Variants in TNS1 observed in about 807,000 individuals in gnomAD.
TNS1 encodes the protein tensin 1.
Under a neutral mutation model 168.6 loss-of-function variants are expected in TNS1, and 62 were observed. The ratio of observed to expected loss-of-function variants is 0.37; its 90% CI spans 0.30 to 0.45. The LOEUF (loss-of-function observed/expected upper bound fraction) is 0.45, where lower values mean the gene tolerates loss of function less well. TNS1 is among the 20% of genes least tolerant of loss of function. The pLI is 1.00. For missense variants in TNS1, 2,240 were observed against 2,339.4 expected (o/e 0.96, Z 0.88); for synonymous variants, 934 against 933.2 (o/e 1.00, Z -0.02).
chr2:218,019,826 C>G (rs1481076237), intron 1 of TNS1, among the ~76,000 whole-genome samples: 1 of 152,108 alleles, frequency 6.6e-6, no homozygotes, highest in African/African-American at 2.4e-5. Context: ...GATACCTGCC[C>G]TCCCACCCTC....
chr2:217,907,397 C>A, intron 4 of TNS1, 146 bp from the exon 5 acceptor site: 1 of 634,774 alleles, frequency 1.6e-6, no homozygotes, highest in South Asian at 1.8e-5. Flanking sequence ...CATAATCTGG[C>A]TGGCCCCAAG....
At chr2:218,008,031 G>T (rs1425575685) in intron 1 of TNS1, among the ~76,000 whole-genome samples, 1 of 152,140 alleles carries the variant, frequency 6.6e-6, no homozygotes, top group Admixed American at 6.5e-5. Flanking sequence ...AAATGTGGGT[G>T]CTCTCTGAGA....
chr2:218,012,388 A>G (rs997515656), upstream of TNS1, among the ~76,000 whole-genome samples: 1 of 152,198 alleles, frequency 6.6e-6, no homozygotes, highest in Non-Finnish European at 1.5e-5. Context: ...CTCAACAAAC[A>G]GAAGGAAAGA....
intron 18 of TNS1, among the ~76,000 whole-genome samples, chr2:217,871,746 G>A (rs745828149): frequency 1.6e-4 from 24 of 152,216 alleles, no homozygotes; most frequent in Non-Finnish European, 2.2e-4. Context: ...TCTCCCATCC[G>A]GCCTGGGCCC....
At chr2:218,010,007 A>C in intron 1 of TNS1, 1 of 352,166 alleles carries the variant, frequency 2.8e-6, no homozygotes. Context: ...AGTAAGTCAG[A>C]TCGAATGCCC....
chr2:217,843,400 A>T (rs575685237), intron 19 of TNS1, among the ~76,000 whole-genome samples: 1 of 151,468 alleles, frequency 6.6e-6, no homozygotes, highest in East Asian at 1.9e-4. Context: ...ACATACAAAC[A>T]TTCTCATGAC....
upstream of TNS1, among the ~76,000 whole-genome samples, chr2:218,004,217 A>G (rs1958627580): frequency 6.6e-6 from 1 of 152,238 alleles, no homozygotes; most frequent in South Asian, 2.1e-4. Flanking sequence ...ACTCACGTCA[A>G]CACATAAGAG....
In TNS1 at chr2:217,848,219, C is replaced by G; in HGVS notation, c.2298G>C (p.Glu766Asp). Residue 766 changes from glutamate (E) to aspartate (D), a missense_variant, in exon 19 of 33, where the codon GAG becomes GAC. This residue lies in a region of TNS1 where 2,131 missense variants were observed against 2,171.2 expected (regional missense o/e 0.98). Transcript: ENST00000682258. The stretch of plus-strand genomic sequence containing the variant: ...ACGAATTCAGTCCCCTTTGCACAGC[C>G]TCCCGGCTGCTTCCCCCTCGGACCG... ...PAPVRGGSSR[E>D]AVQRGLNSWQ... 1 of 1,585,254 alleles carries G rather than the reference C, an allele frequency of 6.3e-7. No individual in the cohort carries two copies. The highest frequency in any genetic ancestry group is 8.6e-7 in the Non-Finnish European group (1 of 1,166,342).
At chr2:218,030,983 TGA>T (rs1442237341) in intron 1 of TNS1, among the ~76,000 whole-genome samples, 1 of 151,124 alleles carries the variant, frequency 6.6e-6, no homozygotes, top group African/African-American at 2.4e-5. Context: ...ACTGTGTGTA[TGA>T]GTGTATGTAT....
chr2:217,885,914 G>A, intron 14 of TNS1, 95 bp from the exon 15 acceptor site: 1 of 1,551,790 alleles, frequency 6.4e-7, no homozygotes, highest in Non-Finnish European at 8.9e-7. Context: ...CACAGGGTTA[G>A]TGGGAAACCT....
chr2:217,905,030 A>G (rs2125781820), intron 6 of TNS1, among the ~76,000 whole-genome samples: 1 of 152,352 alleles, frequency 6.6e-6, no homozygotes, highest in African/African-American at 2.4e-5. Context: ...GTGGATTCAT[A>G]GCCTCTGCCA....
At chr2:217,966,268 CGTGTGTGTGTGTGTGTGTGT>C (rs3838555) in intron 3 of TNS1, among the ~76,000 whole-genome samples, 22 of 140,842 alleles carry the variant, frequency 1.6e-4, no homozygotes, top group African/African-American at 3.7e-4. Flanking sequence ...GAGCAGGCTG[CGTGTGTGTGTGTGTGTGTGT>C]GTGTGTGTGT....
intron 2 of TNS1, among the ~76,000 whole-genome samples, chr2:217,989,591 A>T (rs145355441): frequency 8.5e-5 from 13 of 152,200 alleles, no homozygotes; most frequent in South Asian, 2.1e-4. Context: ...CTGGGACAAG[A>T]CACCAACTTT....
At chr2:217,865,555 G>T (rs985341542) in intron 18 of TNS1, among the ~76,000 whole-genome samples, 1 of 152,210 alleles carries the variant, frequency 6.6e-6, no homozygotes, top group African/African-American at 2.4e-5. Context: ...AGAACACTTT[G>T]CTGCTAACAA....
chr2:217,860,203 C>T (rs750890447), intron 18 of TNS1, among the ~76,000 whole-genome samples: 1 of 152,194 alleles, frequency 6.6e-6, no homozygotes, highest in Non-Finnish European at 1.5e-5. Context: ...CCCTCAGACA[C>T]CTGAGCCCTC....
In TNS1 at chr2:217,808,559, G is replaced by A; in HGVS notation, c.5342+44C>T. On this transcript the variant is annotated intron_variant, in intron 31 of 32. Transcript: ENST00000682258. ...TGCATGCACCCACACAGACGTCAGT[G>A]TTAGAAAGCTGTGTGGGAGAGAAGC... 3 of 1,575,298 alleles carry A rather than the reference G, an allele frequency of 1.9e-6. No homozygotes were observed. The Admixed American group carries it at 5.0e-5, about 26-fold the overall frequency.
Position 217,850,362 on chromosome 2 carries a change from C to T in TNS1, c.1430-1275G>A, listed in dbSNP as rs903331692. On this transcript the variant is annotated intron_variant, in intron 18 of 32. Coordinates refer to ENST00000682258, the MANE Select transcript of TNS1 (RefSeq NM_001387777.1). Reference sequence around the variant, plus strand: ...GCAGGAGGGGAAGCGTCTTAGGGATCGTGAACACAAAAACAAGATGTCTTC... The same window carrying T: ...GCAGGAGGGGAAGCGTCTTAGGGATTGTGAACACAAAAACAAGATGTCTTC... The T allele has an allele frequency of 8.1e-6, 8 of 985,142 alleles. No individual in the cohort carries two copies. In the African/African-American group the frequency reaches 8.7e-5, roughly 11 times the overall value. The allele number at this position is 985,142 out of a possible 1,614,324, so 61.0% of individuals were successfully genotyped here.
Position 217,848,668 on chromosome 2 carries a change from A to T in TNS1, c.1849T>A (p.Leu617Ile), listed in dbSNP as rs2125437485. The T allele has an allele frequency of 6.2e-7, 1 of 1,614,196 alleles. No individual in the cohort carries two copies. The highest frequency in any genetic ancestry group is 1.1e-5 in the South Asian group (1 of 91,086). ...PAQVHVNGGA[L>I]ASERETDILD... ...ATGTCTGTCTCCCGCTCAGATGCTA[A>T]CGCCCCACCATTGACATGAACCTGG... Residue 617 changes from leucine to isoleucine, a missense_variant, in exon 19 of 33, where the codon TTA (leucine) becomes ATA (isoleucine). Leu to Ile is a conservative substitution (Grantham distance 5). This residue lies in a region of TNS1 where 2,131 missense variants were observed against 2,171.2 expected (regional missense o/e 0.98). Coordinates refer to ENST00000682258, the MANE Select transcript of TNS1 (RefSeq NM_001387777.1).
Position 217,880,767 on chromosome 2 carries a change from A to AG in TNS1, c.1429+130dup. ...CCCCCAGTTAACGGTGAGCTCTCGG[A>AG]GGTACCTCACACTTCCCCTCTGCCT... On this transcript the variant is annotated intron_variant, in intron 18 of 32. Transcript: ENST00000682258. The surrounding 1 kb of genome is among the most constrained non-coding windows in gnomAD (Gnocchi z 4.2). 1 of 698,348 alleles carries AG rather than the reference A, an allele frequency of 1.4e-6. No individual in the cohort carries two copies. Among genetic ancestry groups the AG allele is most frequent in the Non-Finnish European group, 2.6e-6 (1 of 392,152 alleles). 43.3% of individuals were successfully genotyped at this position (698,348 alleles called of 1,614,324 possible).
Sources: gnomAD v4.1 joint callset for allele counts (sites outside exome capture counted in the v4.1 genomes callset) on GRCh38, gnomAD v4.1.1 for gene constraint, gnomAD v4.1.1 regional missense constraint, Gnocchi (gnomAD v3.1) non-coding constraint, MANE v1.5 for transcripts, NCBI Gene and HGNC (gene_info 2026-07-23, HGNC 2026-07-21) for gene names.